Variants in ERAP1 observed in about 807,000 individuals in gnomAD.
ERAP1 encodes adipocyte-derived leucine aminopeptidase.
A neutral mutation model predicts 103.7 loss-of-function variants in ERAP1; 86 were observed. The ratio of observed to expected loss-of-function variants is 0.83; its 90% CI spans 0.70 to 0.99. The LOEUF is 0.99. Ranked by LOEUF, ERAP1 falls within the 50% of genes least tolerant of loss-of-function variation. The pLI is 0.00. For missense variants in ERAP1, 1,009 were observed against 1,128.4 expected (o/e 0.89, Z 1.52); for synonymous variants, 398 against 402.4 (o/e 0.99, Z 0.13).
chr5:96,817,059 T>A, the ERAP1 span, among the ~76,000 whole-genome samples: 1 of 152,108 alleles, frequency 6.6e-6, no homozygotes, highest in Admixed American at 6.5e-5. Flanking sequence ...GAGTACAAAC[T>A]CTAAGCAGAA....
the ERAP1 span, among the ~76,000 whole-genome samples, chr5:96,831,475 A>G: frequency 2.6e-5 from 4 of 152,306 alleles, no homozygotes; most frequent in Non-Finnish European, 5.9e-5. Context: ...TCAGCCCATG[A>G]TGTTCAAGGG....
At chr5:96,928,072 A>G in the ERAP1 span, among the ~76,000 whole-genome samples, 1 of 151,954 alleles carries the variant, frequency 6.6e-6, no homozygotes, top group Non-Finnish European at 1.5e-5. Flanking sequence ...TACACAGCTA[A>G]TTTCTTGTAT....
chr5:96,782,905 A>T, intron 15 of ERAP1, 146 bp downstream of exon 15: 1 of 798,632 alleles, frequency 1.3e-6, no homozygotes, highest in South Asian at 1.6e-5. Context: ...ATACATAGAT[A>T]AATCTTAAAA....
the ERAP1 span, among the ~76,000 whole-genome samples, chr5:96,906,849 T>C: frequency 2.0e-4 from 30 of 152,128 alleles, no homozygotes; most frequent in Non-Finnish European, 3.5e-4. Context: ...CTGGCCAACA[T>C]GTTGAAACCC....
At chr5:96,766,810 G>A (rs556763554) in intron 19 of ERAP1, among the ~76,000 whole-genome samples, 3 of 152,238 alleles carry the variant, frequency 2.0e-5, no homozygotes, top group South Asian at 4.1e-4. Flanking sequence ...AAGAAACAAG[G>A]AAGACCAAAT....
the ERAP1 span, among the ~76,000 whole-genome samples, chr5:96,897,074 G>C: frequency 7.4e-6 from 1 of 134,862 alleles, no homozygotes; most frequent in South Asian, 2.5e-4. Context: ...CTCACTATTT[G>C]ACCTGACTTT....
At chr5:96,786,044 G>A in intron 12 of ERAP1, 73 bp from the exon 13 acceptor site, 1 of 1,446,758 alleles carries the variant, frequency 6.9e-7, no homozygotes, top group East Asian at 2.3e-5. Context: ...TCCAAGATTG[G>A]GCAAGGAAAT....
the ERAP1 span, among the ~76,000 whole-genome samples, chr5:96,905,621 T>C: frequency 6.6e-6 from 1 of 152,318 alleles, no homozygotes; most frequent in South Asian, 2.1e-4. Context: ...CAGTGGCTCA[T>C]GCCTGTAACC....
At chr5:96,934,155 A>G in the ERAP1 span, 1 of 152,246 alleles carries the variant, frequency 6.6e-6, no homozygotes, top group Non-Finnish European at 1.5e-5. Flanking sequence ...AAAAAAGATT[A>G]CGACTCTGCC....
At chr5:96,767,539 T>C (rs1002765157) in intron 19 of ERAP1, 5 of 1,377,198 alleles carry the variant, frequency 3.6e-6, no homozygotes, top group Non-Finnish European at 5.2e-6. Context: ...GCCATAGGGG[T>C]ATTTGGCATT....
the ERAP1 span, among the ~76,000 whole-genome samples, chr5:96,835,733 C>T: frequency 3.3e-5 from 5 of 152,156 alleles, no homozygotes; most frequent in Admixed American, 1.3e-4. Flanking sequence ...GCCAGCAGTA[C>T]GAAGGCTCAC....
chr5:96,902,312 C>T, the ERAP1 span: 1 of 1,612,494 alleles, frequency 6.2e-7, no homozygotes, highest in Non-Finnish European at 8.5e-7. Flanking sequence ...TCCACGAGTT[C>T]TTCTAATGTG....
At chr5:96,851,867 G>T in the ERAP1 span, among the ~76,000 whole-genome samples, 1 of 152,160 alleles carries the variant, frequency 6.6e-6, no homozygotes, top group African/African-American at 2.4e-5. Context: ...AGACACGTGG[G>T]AAAAGGGACA....
At chr5:96,917,701 T>C in the ERAP1 span, 1 of 974,298 alleles carries the variant, frequency 1.0e-6, no homozygotes. Flanking sequence ...GGTCAGGAGA[T>C]GGAGACCATC....
At chr5:96,762,443 T>A in exon 20 of ERAP1, 1 of 1,082,040 alleles carries the variant, frequency 9.2e-7, no homozygotes, top group Non-Finnish European at 1.3e-6. Context: ...ATAGGGCGCC[T>A]GTTTAAAGCA....
rs1248900547 is a variant in ERAP1, at chr5:96,788,513, T to C, written c.1679+18A>G. The C allele has an allele frequency of 6.2e-7, 1 of 1,613,748 alleles. No homozygotes were observed. Among genetic ancestry groups the C allele is most frequent in the South Asian group, 1.1e-5 (1 of 91,068 alleles). On this transcript the variant is annotated intron_variant, in intron 11 of 18. Coordinates refer to ENST00000443439, the MANE Select transcript of ERAP1 (RefSeq NM_001040458.3). ...TGTTACCTAGACAACAAAACAAATTTTACTCTAGGAGCATTACCCAGTGTC... is the reference window on the plus strand; with the variant it reads ...TGTTACCTAGACAACAAAACAAATTCTACTCTAGGAGCATTACCCAGTGTC...
intron 3 of ERAP1, 32 bp from the exon 4 acceptor site, chr5:96,797,341 A>T: frequency 6.2e-7 from 1 of 1,601,802 alleles, no homozygotes; most frequent in Non-Finnish European, 8.6e-7. Context: ...TTATCAAGTA[A>T]TCCAATTATC....
downstream of ERAP1, chr5:96,771,855 T>A (rs771856824): frequency 4.2e-6 from 2 of 473,722 alleles, no homozygotes; most frequent in Non-Finnish European, 7.6e-6. Context: ...ACAGAGTAAT[T>A]GGTCATTCTC....
chr5:96,783,625 G>A (rs565984576), intron 14 of ERAP1, among the ~76,000 whole-genome samples: 8 of 152,162 alleles, frequency 5.3e-5, no homozygotes, highest in Middle Eastern at 3.4e-3. Context: ...AAATCTGAAC[G>A]TCAGCCATTG....
Sources: gnomAD v4.1 joint callset for allele counts (sites outside exome capture counted in the v4.1 genomes callset) on GRCh38, gnomAD v4.1.1 for gene constraint, MANE v1.5 for transcripts, NCBI Gene and HGNC (gene_info 2026-07-23, HGNC 2026-07-21) for gene names.